RAC1: variants seen among roughly 807,000 people sequenced by gnomAD.
RAC1 encodes the protein ras-related C3 botulinum toxin substrate 1.
RAC1 carries 2 observed loss-of-function variants against 25.2 expected under a neutral mutation model. That is an observed-to-expected ratio of 0.08 (90% confidence interval 0.03 to 0.25). The LOEUF (loss-of-function observed/expected upper bound fraction) is 0.25. RAC1 is among the 10% of genes least tolerant of loss of function. The pLI, the probability that RAC1 is intolerant of heterozygous loss-of-function variation, is 1.00. For missense variants in RAC1, 50 were observed against 235.7 expected, an observed-to-expected ratio of 0.21 and a Z score of 5.16; for synonymous variants, 88 against 94.0, an observed-to-expected ratio of 0.94 and a Z score of 0.37.
At chr7:6,396,952 ACCTGGGAGGCGGAGCTTGCAGTGAG>A (rs1239330988) in intron 3 of RAC1, among the ~76,000 whole-genome samples, 1 of 151,248 alleles carries the variant, frequency 6.6e-6, no homozygotes, top group Non-Finnish European at 1.5e-5. Flanking sequence ...AATGGTGTGA[ACCTGGGAGGCGGAGCTTGCAGTGAG>A]CCAAGATCGT....
intron 2 of RAC1, among the ~76,000 whole-genome samples, chr7:6,390,751 T>G (rs1172865937): frequency 6.6e-6 from 1 of 152,206 alleles, no homozygotes; most frequent in Non-Finnish European, 1.5e-5. Context: ...TTTAATTCAT[T>G]TAGGACTTAT....
At chr7:6,393,581 G>A (rs980341249) in intron 3 of RAC1, among the ~76,000 whole-genome samples, 13 of 152,224 alleles carry the variant, frequency 8.5e-5, no homozygotes, top group Non-Finnish European at 1.8e-4. Flanking sequence ...GAACAAAGCT[G>A]TAGAGTGTGA....
intron 1 of RAC1, among the ~76,000 whole-genome samples, chr7:6,375,305 G>T (rs749960319): frequency 9.2e-5 from 14 of 151,942 alleles, no homozygotes; most frequent in Non-Finnish European, 1.9e-4. Context: ...GCCCAGGCCG[G>T]TCTCGAACTC....
chr7:6,387,242 T>C lies in RAC1; in HGVS notation c.66T>C (p.Ser22=). The change falls in exon 2 of 6, where the codon AGT becomes AGC. Residue 22 remains serine, a synonymous_variant. Transcript: ENST00000348035. The part of the protein sequence containing the change: ...GAVGKTCLLI[S]YTTNAFPGEY... ...TAGGTAAAACTTGCCTACTGATCAG[T>C]TACACAACCAATGCATTTCCTGGAG... The C allele has an allele frequency of 1.3e-6, 2 of 1,575,394 alleles. No individual in the cohort carries two copies. Among genetic ancestry groups the C allele is most frequent in the South Asian group, 2.3e-5 (2 of 85,228 alleles).
chr7:6,388,897 T>G (rs1245827682), intron 2 of RAC1, among the ~76,000 whole-genome samples: 1 of 152,142 alleles, frequency 6.6e-6, no homozygotes, highest in African/African-American at 2.4e-5. Context: ...AGACAATGGA[T>G]GTTTTAAATT....
Position 6,391,951 on chromosome 7 carries a change from G to A in RAC1, c.135G>A (p.Met45Ile). 1 of 1,614,012 alleles carries A rather than the reference G, an allele frequency of 6.2e-7. No individual in the cohort carries two copies. The highest frequency in any genetic ancestry group is 8.5e-7 in the Non-Finnish European group (1 of 1,179,946). The change falls in exon 3 of 6, where the codon ATG (methionine) becomes ATA (isoleucine). Residue 45 changes from methionine to isoleucine, a missense_variant. By Grantham distance (10) the Met-to-Ile change is conservative (BLOSUM62 1). Transcript: ENST00000348035. ...TTGACAATTATTCTGCCAATGTTATGGTAGATGGAAAACCGGTGAATCTGG... is the reference window on the plus strand; with the variant it reads ...TTGACAATTATTCTGCCAATGTTATAGTAGATGGAAAACCGGTGAATCTGG... ...TVFDNYSANV[M>I]VDGKPVNLGL...
chr7:6,385,397 A>AT (rs1484885421), intron 1 of RAC1, among the ~76,000 whole-genome samples: 5 of 152,086 alleles, frequency 3.3e-5, no homozygotes, highest in African/African-American at 9.7e-5. Context: ...TGAAAAAAAA[A>AT]GGCATGAGGA....
Position 6,374,857 on chromosome 7 carries a change from C to G in RAC1, c.35+87C>G, listed in dbSNP as rs963600099. Reference sequence around the variant, plus strand: ...CCGGACTGGGGCCCAGGCAGGCCGGCGTCCGCCGCGGTCTCGCGTAGGCGG... The same window carrying G: ...CCGGACTGGGGCCCAGGCAGGCCGGGGTCCGCCGCGGTCTCGCGTAGGCGG... On this transcript the variant is annotated intron_variant, in intron 1 of 5. Coordinates refer to ENST00000348035, the MANE Select transcript of RAC1 (RefSeq NM_006908.5). The G allele has an allele frequency of 8.0e-6, 8 of 1,005,688 alleles. No homozygotes were observed. The African/African-American group carries it at 1.4e-4, about 18-fold the overall frequency. The allele number at this position is 1,005,688 out of a possible 1,614,324, so 62.3% of individuals were successfully genotyped here. A position where few individuals can be genotyped will look rare whatever the true frequency, so the allele number is the denominator to read the frequency against.
In RAC1 at chr7:6,385,654, G is replaced by T. The variant is rs141307602; in HGVS notation, c.36-1558G>T. 1.6e-4 allele frequency among the ~76,000 whole-genome samples: 24 copies of T among 152,280 alleles called. No homozygotes were observed. In the East Asian group the frequency reaches 4.2e-3, roughly 27 times the overall value. ...TTTGGAATGGGGAGTTCCAACTTTTGTTAAGCCCTCAATAATGTCATGAGT... is the reference window on the plus strand; with the variant it reads ...TTTGGAATGGGGAGTTCCAACTTTTTTTAAGCCCTCAATAATGTCATGAGT... On this transcript the variant is annotated intron_variant, in intron 1 of 5. Transcript: ENST00000348035.
intron 5 of RAC1, 88 bp from the exon 6 acceptor site, chr7:6,402,228 C>A (rs914540548): frequency 6.6e-7 from 1 of 1,516,498 alleles, no homozygotes; most frequent in South Asian, 1.3e-5. Flanking sequence ...AGAAGGCGCC[C>A]GGGCCCCAGG....
intron 4 of RAC1, 25 bp downstream of exon 4, chr7:6,400,213 T>C: frequency 6.4e-7 from 1 of 1,562,072 alleles, no homozygotes; most frequent in Non-Finnish European, 8.8e-7. Context: ...AAAATGTGTA[T>C]GTAAGTTATA....
At chr7:6,376,953 G>C (rs1464119554) in intron 1 of RAC1, among the ~76,000 whole-genome samples, 2 of 151,822 alleles carry the variant, frequency 1.3e-5, no homozygotes, top group Non-Finnish European at 2.9e-5. Context: ...ATGGAATCTG[G>C]ACCGTCCCTT....
intron 5 of RAC1, 36 bp from the exon 6 acceptor site, chr7:6,402,280 C>G (rs759267914): frequency 6.4e-7 from 1 of 1,571,242 alleles, no homozygotes. Context: ...AGAGTGGGGT[C>G]GAGTGTACAT....
intron 2 of RAC1, among the ~76,000 whole-genome samples, chr7:6,389,199 C>G (rs1314094475): frequency 1.1e-5 from 1 of 88,462 alleles, no homozygotes; most frequent in African/African-American, 7.5e-5. Flanking sequence ...GAGACTCTGT[C>G]TCCCAAAAAA....
rs544133355 is a variant in RAC1 at position 6,395,012 on chromosome 7, A to G, written c.225+2971A>G. ...TGGGACTACAGGCGCCCGCCACCAC[A>G]CCTGACTAATTTTTTATATTTTTAG... On this transcript the variant is annotated intron_variant, in intron 3 of 5. Coordinates refer to ENST00000348035, the MANE Select transcript of RAC1 (RefSeq NM_006908.5). Among the ~76,000 whole-genome samples the G allele has an allele frequency of 1.4e-3, 218 of 152,006 alleles. 2 individuals carry two copies. The highest frequency in any genetic ancestry group is 4.9e-3 in the African/African-American group (203 of 41,470).
rs2115177178 is a variant in RAC1, at chr7:6,374,750, G to A, written c.15G>A (p.Lys5=). 1 of 1,148,068 alleles carries A rather than the reference G, an allele frequency of 8.7e-7. No homozygotes were observed. The highest frequency in any genetic ancestry group is 1.1e-6 in the Non-Finnish European group (1 of 926,626). The allele number at this position is 1,148,068 out of a possible 1,614,324, so 71.1% of individuals were successfully genotyped here. A position where few individuals can be genotyped will look rare whatever the true frequency, so the allele number is the denominator to read the frequency against. The part of the protein sequence containing the change: MQAI[K]CVVVGDGAVG... ...GAGCGGCCCTGATGCAGGCCATCAAGTGTGTGGTGGTGGGAGACGGGTGAG... is the reference window on the plus strand; with the variant it reads ...GAGCGGCCCTGATGCAGGCCATCAAATGTGTGGTGGTGGGAGACGGGTGAG... Residue 5 remains lysine, a synonymous_variant, in exon 1 of 6, where the codon AAG becomes AAA. Transcript: ENST00000348035.
At chr7:6,398,812 CCTT>C in intron 3 of RAC1, 1 of 1,184,936 alleles carries the variant, frequency 8.4e-7, no homozygotes, top group East Asian at 2.5e-5. Flanking sequence ...GCCTCAAGCT[CCTT>C]GAGTGTTTTA....
At chr7:6,397,407 C>T (rs974371698) in intron 3 of RAC1, among the ~76,000 whole-genome samples, 3 of 151,760 alleles carry the variant, frequency 2.0e-5, no homozygotes, top group African/African-American at 7.2e-5. Flanking sequence ...CAGTTCTCTG[C>T]CTCAGCCTCC....
At chr7:6,394,218 T>C (rs774676163) in intron 3 of RAC1, among the ~76,000 whole-genome samples, 2 of 152,216 alleles carry the variant, frequency 1.3e-5, no homozygotes, top group Non-Finnish European at 2.9e-5. Context: ...ATTGGGCAGC[T>C]CTGTCGGGCT....
Sources: allele counts gnomAD v4.1 joint callset (sites outside exome capture counted in the v4.1 genomes callset), GRCh38; gene constraint gnomAD v4.1.1; transcripts MANE v1.5; gene names NCBI Gene and HGNC (gene_info 2026-07-23, HGNC 2026-07-21).